Variants in CFAP70 observed in about 807,000 individuals in gnomAD.
CFAP70 encodes the protein cilia and flagella associated protein 70.
In CFAP70, 81 loss-of-function variants were observed where a neutral mutation model predicts 137.6. The ratio of observed to expected loss-of-function variants is 0.59; its 90% CI spans 0.49 to 0.71. The LOEUF (loss-of-function observed/expected upper bound fraction) is 0.71. Ranked by LOEUF, CFAP70 falls within the 30% of genes least tolerant of loss-of-function variation. The pLI is 0.00. For synonymous variants in CFAP70, 382 were observed against 423.6 expected (o/e 0.90, Z 1.20); for missense variants, 976 against 1,226.7 (o/e 0.80, Z 3.05).
intron 19 of CFAP70, among the ~76,000 whole-genome samples, chr10:73,288,557 T>C (rs1296038379): frequency 6.6e-6 from 1 of 152,032 alleles, no homozygotes; most frequent in Non-Finnish European, 1.5e-5. Flanking sequence ...AGCACTTGGG[T>C]TCATGGAGTC....
chr10:73,297,128 A>G (rs1185777177), exon 15 of CFAP70: 1 of 1,613,744 alleles, frequency 6.2e-7, no homozygotes, highest in Non-Finnish European at 8.5e-7. Flanking sequence ...CTTTCAAATG[A>G]TGTTGTCTTC....
chr10:73,261,043 G>T (rs1277697648), intron 25 of CFAP70, among the ~76,000 whole-genome samples: 1 of 151,952 alleles, frequency 6.6e-6, no homozygotes, highest in African/African-American at 2.4e-5. Flanking sequence ...TTCCAAAGTG[G>T]TTGTACCAAT....
intron 19 of CFAP70, among the ~76,000 whole-genome samples, chr10:73,279,546 TAAA>T (rs2131798918): frequency 6.9e-6 from 1 of 144,266 alleles, no homozygotes; most frequent in East Asian, 2.1e-4. Context: ...AATAAATAAA[TAAA>T]TAAATAAATA....
intron 12 of CFAP70, among the ~76,000 whole-genome samples, chr10:73,307,487 G>A (rs2049484991): frequency 6.6e-6 from 1 of 152,144 alleles, no homozygotes; most frequent in African/African-American, 2.4e-5. Flanking sequence ...CCCTTTAGAT[G>A]TAAGGACAGG....
At chr10:73,322,740 C>G (rs545118187) in intron 9 of CFAP70, among the ~76,000 whole-genome samples, 13 of 152,208 alleles carry the variant, frequency 8.5e-5, no homozygotes, top group African/African-American at 2.9e-4. Context: ...TCTGTGTTCT[C>G]TGTTCACCTG....
At chr10:73,323,409 G>GTGATT (rs1341866623) in intron 8 of CFAP70, among the ~76,000 whole-genome samples, 1 of 152,112 alleles carries the variant, frequency 6.6e-6, no homozygotes, top group Non-Finnish European at 1.5e-5. Context: ...CAGAAGATGG[G>GTGATT]TGATTTCTGC....
At chr10:73,310,950 A>G (rs1471177690) in intron 11 of CFAP70, among the ~76,000 whole-genome samples, 1 of 152,150 alleles carries the variant, frequency 6.6e-6, no homozygotes, top group Non-Finnish European at 1.5e-5. Context: ...CTACAAGAAA[A>G]GCCTGCAGCC....
chr10:73,360,576 C>G (rs536208744), upstream of CFAP70, among the ~76,000 whole-genome samples: 12 of 152,158 alleles, frequency 7.9e-5, no homozygotes, highest in East Asian at 2.3e-3. Context: ...GAAATAGTTA[C>G]CAGAGTCAAA....
intron 13 of CFAP70, 102 bp from the exon 15 acceptor site, chr10:73,299,203 A>AGTTT (rs113530143): frequency 0.068 from 57,277 of 837,790 alleles, 3,560 homozygotes; most frequent in East Asian, 0.26. Context: ...ATACTTTATT[A>AGTTT]GTTTGTTTGT....
At chr10:73,349,131 T>C (rs574196936) in intron 3 of CFAP70, among the ~76,000 whole-genome samples, 2 of 152,068 alleles carry the variant, frequency 1.3e-5, no homozygotes, top group African/African-American at 4.8e-5. Context: ...TAATCTTTAC[T>C]AGGTCAAAAT....
intron 7 of CFAP70, among the ~76,000 whole-genome samples, chr10:73,333,090 GAAATGCTAGATA>G (rs2052293337): frequency 6.6e-6 from 1 of 152,080 alleles, no homozygotes; most frequent in Non-Finnish European, 1.5e-5. Context: ...GAATCAAAAG[GAAATGCTAGATA>G]TCAAAAACAC....
intron 7 of CFAP70, among the ~76,000 whole-genome samples, chr10:73,334,880 G>GA (rs1554916619): frequency 7.8e-6 from 1 of 128,602 alleles, no homozygotes; most frequent in Non-Finnish European, 1.7e-5. Flanking sequence ...ACCTGGCCGA[G>GA]TTTTTTTTTT....
At chr10:73,269,491 T>G (rs1260995773) in intron 25 of CFAP70, 123 bp downstream of exon 26, 2 of 594,724 alleles carry the variant, frequency 3.4e-6, no homozygotes, top group Non-Finnish European at 6.0e-6. Flanking sequence ...AGCATAATGA[T>G]TACACCTAGA....
chr10:73,312,308 G>A (rs113572486), intron 10 of CFAP70, among the ~76,000 whole-genome samples, 165 bp downstream of exon 11: 16,072 of 152,054 alleles, frequency 0.11, 1,230 homozygotes, highest in East Asian at 0.3. Flanking sequence ...TGGCACATGT[G>A]TACCTATGTA....
intron 20 of CFAP70, 66 bp downstream of exon 21, chr10:73,278,112 CG>C: frequency 6.6e-7 from 1 of 1,509,672 alleles, no homozygotes; most frequent in Non-Finnish European, 9.1e-7. Context: ...ATTTCATCAT[CG>C]TAAGAGTCTT....
In CFAP70 at chr10:73,348,522, C is replaced by T; in HGVS notation, c.251-1G>A. 1 of 1,505,326 alleles carries T rather than the reference C, an allele frequency of 6.6e-7. No individual in the cohort carries two copies. The highest frequency in any genetic ancestry group is 2.3e-5 in the East Asian group (1 of 44,002). The allele number at this position is 1,505,326 out of a possible 1,614,324, so 93.2% of individuals were successfully genotyped here. A position where few individuals can be genotyped will look rare whatever the true frequency, so the allele number is the denominator to read the frequency against. On this transcript the variant is annotated splice_acceptor_variant, in intron 3 of 26. Transcript: ENST00000310715. LOFTEE classifies it high-confidence loss of function. ...TTTGGTAAAACTTCAGTCACAGTTACTAGAAAAATCAAAACAAAGAAAATG... is the reference window on the plus strand; with the variant it reads ...TTTGGTAAAACTTCAGTCACAGTTATTAGAAAAATCAAAACAAAGAAAATG...
intron 7 of CFAP70, among the ~76,000 whole-genome samples, chr10:73,331,958 C>G (rs528841235): frequency 6.6e-6 from 1 of 152,290 alleles, no homozygotes; most frequent in Admixed American, 6.5e-5. Context: ...AGCTCCAATA[C>G]AGCTTTGAAG....
chr10:73,326,377 G>C (rs1186587726), intron 8 of CFAP70, among the ~76,000 whole-genome samples: 8 of 146,382 alleles, frequency 5.5e-5, no homozygotes, highest in Admixed American at 5.5e-4. Context: ...GCCCACAAGA[G>C]AAAGCAGGAA....
chr10:73,276,514 G>T (rs368390057), intron 21 of CFAP70: 7 of 152,240 alleles, frequency 4.6e-5, no homozygotes, highest in African/African-American at 1.7e-4. Context: ...TTTCTATTTT[G>T]CGGAGGGTTA....
Sources: allele counts gnomAD v4.1 joint callset (sites outside exome capture counted in the v4.1 genomes callset), GRCh38; gene constraint gnomAD v4.1.1; transcripts MANE v1.5; gene names NCBI Gene and HGNC (gene_info 2026-07-23, HGNC 2026-07-21).